Variants in DLGAP2 observed in about 807,000 individuals in gnomAD.
DLGAP2 encodes the protein DLG associated protein 2, also known as disks large-associated protein 2.
A neutral mutation model predicts 100.3 loss-of-function variants in DLGAP2; 26 were observed. The ratio of observed to expected loss-of-function variants is 0.26; its 90% CI spans 0.19 to 0.36. The LOEUF (loss-of-function observed/expected upper bound fraction) is 0.36. Among genes scored for constraint, DLGAP2 ranks in the 10% least tolerant of loss-of-function variants. The probability of loss-of-function intolerance (pLI) is 1.00; values close to 1 mark genes in which losing one functional copy is unlikely to be tolerated. For synonymous variants in DLGAP2, 886 were observed against 630.1 expected, an observed-to-expected ratio of 1.41 and a Z score of -6.08; for missense variants, 1,858 against 1,453.2, an observed-to-expected ratio of 1.28 and a Z score of -4.53.
At chr8:1,498,876 C>A (rs1438155202) in intron 3 of DLGAP2, among the ~76,000 whole-genome samples, 1 of 152,176 alleles carries the variant, frequency 6.6e-6, no homozygotes, top group Admixed American at 6.5e-5. Context: ...GTTATACTGA[C>A]ACACATGCTG....
At chr8:844,831 C>A (rs13251233) in intron 1 of DLGAP2, among the ~76,000 whole-genome samples, 4,898 of 152,294 alleles carry the variant, frequency 0.032, 113 homozygotes, top group Non-Finnish European at 0.043. Context: ...ATCCTCTCTT[C>A]CCCTGCCTCC....
intron 2 of DLGAP2, among the ~76,000 whole-genome samples, chr8:1,107,108 G>A (rs746102672): frequency 1.3e-5 from 2 of 152,184 alleles, no homozygotes; most frequent in African/African-American, 2.4e-5. Context: ...TCACCTGCGG[G>A]CGGTATCACA....
At chr8:1,095,281 A>T (rs1804330162) in intron 2 of DLGAP2, among the ~76,000 whole-genome samples, 1 of 152,166 alleles carries the variant, frequency 6.6e-6, no homozygotes, top group African/African-American at 2.4e-5. Flanking sequence ...AAGAACAGAG[A>T]GATGGGTTTA....
intron 4 of DLGAP2, among the ~76,000 whole-genome samples, chr8:1,520,289 C>T (rs774729686): frequency 2.0e-5 from 3 of 152,094 alleles, no homozygotes; most frequent in Non-Finnish European, 2.9e-5. Flanking sequence ...CTGGGGCACA[C>T]GGAGGGGAGC....
intron 5 of DLGAP2, among the ~76,000 whole-genome samples, chr8:1,564,148 G>C: frequency 6.6e-6 from 1 of 152,138 alleles, no homozygotes; most frequent in East Asian, 1.9e-4. Flanking sequence ...TTTTGCCTTT[G>C]TAAACGTGAG....
intron 1 of DLGAP2, among the ~76,000 whole-genome samples, chr8:747,030 G>T (rs911936163): frequency 4.6e-5 from 7 of 152,000 alleles, no homozygotes; most frequent in African/African-American, 1.4e-4. Context: ...AAGGGAAATG[G>T]GCCCCTTGCC....
intron 2 of DLGAP2, among the ~76,000 whole-genome samples, chr8:927,702 C>T (rs1341174483): frequency 6.6e-6 from 1 of 151,982 alleles, no homozygotes; most frequent in East Asian, 1.9e-4. Flanking sequence ...CAGGGAGGGA[C>T]AGAGGTCTTG....
At chr8:1,575,810 T>C (rs749817380) in intron 6 of DLGAP2, among the ~76,000 whole-genome samples, 45 of 151,938 alleles carry the variant, frequency 3.0e-4, no homozygotes, top group Non-Finnish European at 3.7e-4. Context: ...GTCCTTTTTA[T>C]GGCTGCGTAG....
At chr8:765,573 A>T (rs528646995) in intron 1 of DLGAP2, among the ~76,000 whole-genome samples, 20 of 152,332 alleles carry the variant, frequency 1.3e-4, no homozygotes, top group African/African-American at 4.3e-4. Context: ...TCCAGTTTAT[A>T]TTGAAAACAG....
intron 3 of DLGAP2, among the ~76,000 whole-genome samples, chr8:1,451,550 C>T (rs1798159830): frequency 6.6e-6 from 1 of 152,138 alleles, no homozygotes. Context: ...CCCACCTCAG[C>T]ATCGCCTCTG....
In DLGAP2 at chr8:1,299,589, T is replaced by C. The variant is rs1329437128; in HGVS notation, c.106+40706T>C. Among the ~76,000 whole-genome samples, 3 of 152,238 alleles carry C rather than the reference T, an allele frequency of 2.0e-5. No individual in the cohort carries two copies. The East Asian group carries it at 5.8e-4, about 29-fold the overall frequency. ...CACCTTTGGCTCAGTAACTAGCAGA[T>C]TCGTTCCTGCTGGGATATTCATTTT... On this transcript the variant is annotated intron_variant, in intron 3 of 14. Coordinates refer to ENST00000637795, the MANE Select transcript of DLGAP2 (RefSeq NM_001346810.2).
At chr8:1,275,025 C>T (rs895730342) in intron 3 of DLGAP2, among the ~76,000 whole-genome samples, 4 of 151,950 alleles carry the variant, frequency 2.6e-5, no homozygotes, top group South Asian at 4.2e-4. Flanking sequence ...CTTGCTCTAC[C>T]GCAGACAGAC....
At chr8:1,521,729 G>C (rs1292852969) in intron 4 of DLGAP2, among the ~76,000 whole-genome samples, 37 of 18,062 alleles carry the variant, frequency 2.0e-3, no homozygotes, top group African/African-American at 7.3e-3. Flanking sequence ...GAATACTCGG[G>C]GGCAGCTGAT....
intron 2 of DLGAP2, among the ~76,000 whole-genome samples, chr8:964,321 C>T (rs905644989): frequency 6.6e-6 from 1 of 152,198 alleles, no homozygotes; most frequent in Non-Finnish European, 1.5e-5. Flanking sequence ...TTTTTATGCA[C>T]GCAGCCCTGG....
At chr8:1,189,680 GT>G (rs1797592242) in intron 2 of DLGAP2, among the ~76,000 whole-genome samples, 1 of 152,208 alleles carries the variant, frequency 6.6e-6, no homozygotes, top group African/African-American at 2.4e-5. Flanking sequence ...ACAGGGCCGA[GT>G]TTTCCCCTCA....
chr8:1,242,494 T>A (rs932101656), intron 2 of DLGAP2, among the ~76,000 whole-genome samples: 1 of 152,244 alleles, frequency 6.6e-6, no homozygotes, highest in Non-Finnish European at 1.5e-5. Context: ...ATCCCTGGAA[T>A]GTTGCACCAA....
intron 3 of DLGAP2, among the ~76,000 whole-genome samples, chr8:1,267,627 T>TAAAATAAACTAAA (rs61003863): frequency 2.5e-5 from 1 of 39,424 alleles, no homozygotes; most frequent in African/African-American, 1.8e-4. Flanking sequence ...ATAAGATAAA[T>TAAAATAAACTAAA]ATTAAATAGG....
intron 1 of DLGAP2, among the ~76,000 whole-genome samples, chr8:751,851 G>C (rs969463005): frequency 6.6e-6 from 1 of 151,828 alleles, no homozygotes; most frequent in Non-Finnish European, 1.5e-5. Flanking sequence ...CTTATAGGAA[G>C]TTCATCTGAC....
At chr8:842,391 C>T (rs936048453) in intron 1 of DLGAP2, among the ~76,000 whole-genome samples, 1 of 152,200 alleles carries the variant, frequency 6.6e-6, no homozygotes, top group Non-Finnish European at 1.5e-5. Flanking sequence ...TCTGTATTCC[C>T]CTAACCTAAC....
Sources: gnomAD v4.1 joint callset for allele counts (sites outside exome capture counted in the v4.1 genomes callset) on GRCh38, gnomAD v4.1.1 for gene constraint, MANE v1.5 for transcripts, NCBI Gene and HGNC (gene_info 2026-07-23, HGNC 2026-07-21) for gene names.